SNX2: variants seen among roughly 807,000 people sequenced by gnomAD.
SNX2 encodes sorting nexin 2.
A neutral mutation model predicts 69.9 loss-of-function variants in SNX2; 25 were observed. The ratio of observed to expected loss-of-function variants is 0.36; its 90% confidence interval spans 0.26 to 0.50. The LOEUF is 0.50. SNX2 is among the 20% of genes least tolerant of loss of function. The pLI is 0.97. For missense variants in SNX2, 551 were observed against 613.3 expected, an observed-to-expected ratio of 0.90 and a Z score of 1.07; for synonymous variants, 229 against 200.4, an observed-to-expected ratio of 1.14 and a Z score of -1.20.
At chr5:122,793,363 A>G (rs1753288152) in intron 1 of SNX2, among the ~76,000 whole-genome samples, 1 of 152,204 alleles carries the variant, frequency 6.6e-6, no homozygotes, top group Non-Finnish European at 1.5e-5. Flanking sequence ...GCCAAAAACC[A>G]AACACAAAAA....
In SNX2 at chr5:122,815,984, T is replaced by C. The variant is rs766260933; in HGVS notation, c.798+13T>C. 1 of 1,463,486 alleles carries C rather than the reference T, an allele frequency of 6.8e-7. No homozygotes were observed. Among genetic ancestry groups the C allele is most frequent in the Non-Finnish European group, 9.5e-7 (1 of 1,056,574 alleles). The allele number at this position is 1,463,486 out of a possible 1,614,324, so 90.7% of individuals were successfully genotyped here. ...GGAAAGTTCAGAGGTATTATTTCTA[T>C]ATTAAATGTTTGTATATGAATGTTC... On this transcript the variant is annotated intron_variant, in intron 8 of 14. Coordinates refer to ENST00000379516, the MANE Select transcript of SNX2 (RefSeq NM_003100.4).
At chr5:122,814,143 G>A (rs1362192285) in intron 7 of SNX2, among the ~76,000 whole-genome samples, 1 of 152,140 alleles carries the variant, frequency 6.6e-6, no homozygotes, top group Admixed American at 6.5e-5. Flanking sequence ...CTGAGTGCCT[G>A]CTATTACCTA....
chr5:122,828,994 C>T (rs929083049), intron 14 of SNX2, among the ~76,000 whole-genome samples: 1 of 151,868 alleles, frequency 6.6e-6, no homozygotes, highest in Non-Finnish European at 1.5e-5. Context: ...GGTGGCGCAC[C>T]TGTAATCCCA....
intron 2 of SNX2, among the ~76,000 whole-genome samples, chr5:122,797,556 G>A (rs989320232): frequency 3.3e-5 from 5 of 152,094 alleles, no homozygotes; most frequent in African/African-American, 1.2e-4. Flanking sequence ...TTCTATGGAG[G>A]AGTATGGTTC....
At chr5:122,793,910 T>TC (rs11422617) in intron 1 of SNX2, among the ~76,000 whole-genome samples, 79,089 of 129,134 alleles carry the variant, frequency 0.61, 22,549 homozygotes, top group Admixed American at 0.67. Flanking sequence ...CAAAATTCTG[T>TC]CCCCCCAAAA....
At chr5:122,820,601 G>A (rs1323141121) in intron 11 of SNX2, among the ~76,000 whole-genome samples, 1 of 151,868 alleles carries the variant, frequency 6.6e-6, no homozygotes, top group African/African-American at 2.4e-5. Context: ...TGGCAGTGAT[G>A]GCCTGCCTGT....
intron 1 of SNX2, among the ~76,000 whole-genome samples, chr5:122,790,941 A>T (rs576077845): frequency 6.6e-6 from 1 of 152,306 alleles, no homozygotes; most frequent in African/African-American, 2.4e-5. Context: ...CTTGTTCCTG[A>T]TCTTACTGGG....
intron 2 of SNX2, among the ~76,000 whole-genome samples, chr5:122,799,054 G>A (rs757456924): frequency 6.6e-6 from 1 of 152,112 alleles, no homozygotes; most frequent in African/African-American, 2.4e-5. Flanking sequence ...ACAATGTTAT[G>A]TAGCCTGTAG....
At chr5:122,798,268 G>C (rs557718051) in intron 2 of SNX2, among the ~76,000 whole-genome samples, 7 of 151,778 alleles carry the variant, frequency 4.6e-5, no homozygotes, top group Non-Finnish European at 7.4e-5. Flanking sequence ...CTTTTATTTT[G>C]TTACGGTAGG....
chr5:122,827,206 T>C (rs1245656734), intron 12 of SNX2, 173 bp from the exon 13 acceptor site: 2 of 591,168 alleles, frequency 3.4e-6, no homozygotes, highest in African/African-American at 1.9e-5. Context: ...TAAGCTAACA[T>C]GCATTTCTAT....
chr5:122,822,497 C>T (rs1203192124), intron 11 of SNX2, among the ~76,000 whole-genome samples: 1 of 152,104 alleles, frequency 6.6e-6, no homozygotes, highest in Non-Finnish European at 1.5e-5. Flanking sequence ...TTATCCATAT[C>T]GAGCGTACTT....
chr5:122,818,081 A>C (rs1378277697), intron 10 of SNX2, among the ~76,000 whole-genome samples: 1 of 152,174 alleles, frequency 6.6e-6, no homozygotes, highest in Non-Finnish European at 1.5e-5. Flanking sequence ...TATTATTGAA[A>C]GTAGTTTGTA....
At position 122,834,453 on chromosome 5, in the gene SNX2, C is replaced by G. The variant is rs949334059; in HGVS notation, c.*4805C>G. ...ATTAAGGTCAGTTAATGGGATAAAC[C>G]GTTTTAAGAGAGTTGAGAAAAAATA... is the stretch of plus-strand genomic sequence containing the variant. On this transcript the variant is annotated 3_prime_UTR_variant, in exon 15 of 15. Coordinates refer to ENST00000379516, the MANE Select transcript of SNX2 (RefSeq NM_003100.4). 6.6e-6 allele frequency: 1 copy of G among 151,990 alleles called. No homozygotes were observed. Among genetic ancestry groups the G allele is most frequent in the African/African-American group, 2.4e-5 (1 of 41,376 alleles). 9.4% of individuals were successfully genotyped at this position (151,990 alleles called of 1,614,324 possible). A position where few individuals can be genotyped will look rare whatever the true frequency, so the allele number is the denominator to read the frequency against.
intron 2 of SNX2, among the ~76,000 whole-genome samples, chr5:122,798,156 A>G (rs1753427874): frequency 6.9e-6 from 1 of 145,542 alleles, no homozygotes; most frequent in African/African-American, 2.5e-5. Flanking sequence ...TAGCTTTGAT[A>G]TACTGCTTTT....
In SNX2 at chr5:122,833,360, A is replaced by G. The variant is rs1754337043; in HGVS notation, c.*3712A>G. On this transcript the variant is annotated 3_prime_UTR_variant, in exon 15 of 15. Transcript: ENST00000379516. ...AAGGTCCTTAAGAGCATAGAACAAT[A>G]TAAATATAATATGGGCCATATATAT... The G allele has an allele frequency of 6.6e-6, 1 of 152,232 alleles. No homozygotes were observed. The highest frequency in any genetic ancestry group is 1.9e-4 in the East Asian group (1 of 5,204). The allele number at this position is 152,232 out of a possible 1,614,324, so 9.4% of individuals were successfully genotyped here. A position where few individuals can be genotyped will look rare whatever the true frequency, so the allele number is the denominator to read the frequency against.
At chr5:122,825,568 C>T (rs1754132582) in intron 11 of SNX2, among the ~76,000 whole-genome samples, 1 of 151,868 alleles carries the variant, frequency 6.6e-6, no homozygotes, top group Non-Finnish European at 1.5e-5. Context: ...GATTGCTTTG[C>T]CTTTTTTTAT....
chr5:122,825,340 T>G (rs1754128902), intron 11 of SNX2, among the ~76,000 whole-genome samples: 1 of 152,122 alleles, frequency 6.6e-6, no homozygotes, highest in Non-Finnish European at 1.5e-5. Context: ...TTACACTAAT[T>G]TGTCCATATT....
At chr5:122,810,798 AC>A (rs1753757648) in intron 7 of SNX2, among the ~76,000 whole-genome samples, 1 of 152,230 alleles carries the variant, frequency 6.6e-6, no homozygotes, top group Non-Finnish European at 1.5e-5. Flanking sequence ...AAAGAAAGAA[AC>A]AGTATAGTAT....
chr5:122,807,496 G>C (rs1753684667), intron 6 of SNX2, among the ~76,000 whole-genome samples: 1 of 152,156 alleles, frequency 6.6e-6, no homozygotes. Flanking sequence ...GGATCATGCA[G>C]TAGATGATTT....
Sources: allele counts gnomAD v4.1 joint callset (sites outside exome capture counted in the v4.1 genomes callset), GRCh38; gene constraint gnomAD v4.1.1; transcripts MANE v1.5; gene names NCBI Gene and HGNC (gene_info 2026-07-23, HGNC 2026-07-21).